Variants in BFAR observed in about 807,000 individuals in gnomAD.
BFAR encodes the protein RING finger protein 47.
BFAR carries 52 observed loss-of-function variants against 54.4 expected under a neutral mutation model. That is an observed-to-expected ratio of 0.96 (90% confidence interval 0.77 to 1.21). BFAR has a LOEUF of 1.21. Among genes scored for constraint, BFAR ranks in the 50% most tolerant of loss-of-function variants. The pLI is 0.00. For missense variants in BFAR, 571 were observed against 534.0 expected (o/e 1.07, Z -0.68); for synonymous variants, 215 against 204.3 (o/e 1.05, Z -0.45).
intron 7 of BFAR, among the ~76,000 whole-genome samples, chr16:14,665,703 T>C (rs941152734): frequency 6.6e-6 from 1 of 152,122 alleles, no homozygotes; most frequent in African/African-American, 2.4e-5. Flanking sequence ...GTGATGTACG[T>C]GCTCTTACAC....
intron 4 of BFAR, among the ~76,000 whole-genome samples, chr16:14,651,941 T>C (rs1224518876): frequency 6.9e-6 from 1 of 145,772 alleles, no homozygotes; most frequent in Non-Finnish European, 1.5e-5. Context: ...GGCTGGAGTG[T>C]AGTGGTGTGA....
rs1173696135 is a variant in BFAR, at chr16:14,644,368, T to C, written c.22T>C (p.Tyr8His). ...AGAGATGGAGGAACCTCAGAAAAGC[T>C]ATGTGAACACAATGGACCTTGAGAG... MEEPQKS[Y>H]VNTMDLERDE... Residue 8 changes from tyrosine to histidine, a missense_variant, in exon 2 of 8, where the codon TAT becomes CAT. Transcript: ENST00000261658. 1.2e-6 allele frequency: 2 copies of C among 1,614,030 alleles called. No homozygotes were observed. The highest frequency in any genetic ancestry group is 2.2e-5 in the East Asian group (1 of 44,872).
At chr16:14,641,094 C>T (rs974627196) in intron 1 of BFAR, among the ~76,000 whole-genome samples, 4 of 152,200 alleles carry the variant, frequency 2.6e-5, no homozygotes, top group South Asian at 4.1e-4. Context: ...TCTTCCCATT[C>T]GTTTTTGAAC....
intron 5 of BFAR, among the ~76,000 whole-genome samples, chr16:14,660,825 T>G (rs1015775413): frequency 2.6e-5 from 4 of 151,720 alleles, no homozygotes; most frequent in Non-Finnish European, 4.4e-5. Flanking sequence ...TGCTTGAACC[T>G]GGGAGGTAGA....
intron 5 of BFAR, among the ~76,000 whole-genome samples, chr16:14,660,158 T>TCC (rs1960250190): frequency 4.0e-5 from 6 of 151,408 alleles, no homozygotes; most frequent in Non-Finnish European, 7.4e-5. Context: ...TGCAGTGATC[T>TCC]CCACTGGACA....
At chr16:14,649,368 G>C (rs1023022376) in intron 3 of BFAR, among the ~76,000 whole-genome samples, 2 of 152,148 alleles carry the variant, frequency 1.3e-5, no homozygotes, top group Non-Finnish European at 2.9e-5. Context: ...GAGCCACCAC[G>C]CCTGGACCTC....
At chr16:14,655,444 C>G (rs1421651310) in intron 5 of BFAR, among the ~76,000 whole-genome samples, 1 of 151,224 alleles carries the variant, frequency 6.6e-6, no homozygotes, top group Admixed American at 6.6e-5. Context: ...ACCTCAGCCT[C>G]CAGAGTAGCT....
rs1380201546 is a variant in BFAR at position 14,668,004 on chromosome 16, G to A, written c.*177G>A. ...CCCCCTCAGCCTGTGGGTGGCACGA[G>A]CAAGGACTGACATCCGCACAGGGAG... On this transcript the variant is annotated 3_prime_UTR_variant, in exon 8 of 8. Coordinates refer to ENST00000261658, the MANE Select transcript of BFAR (RefSeq NM_016561.3). 9.2e-6 allele frequency: 6 copies of A among 649,184 alleles called. No individual in the cohort carries two copies. The highest frequency in any genetic ancestry group is 1.6e-5 in the Non-Finnish European group (6 of 384,466). The allele number at this position is 649,184 out of a possible 1,614,324, so 40.2% of individuals were successfully genotyped here.
chr16:14,667,607 G>A lies in BFAR; in HGVS notation c.1161-28G>A, dbSNP rs192498132. 83 of 1,600,478 alleles carry A rather than the reference G, an allele frequency of 5.2e-5. No individual in the cohort carries two copies. In the East Asian group the frequency reaches 6.3e-4, roughly 12 times the overall value. On this transcript the variant is annotated intron_variant, in intron 7 of 7. Transcript: ENST00000261658. Reference sequence around the variant, plus strand: ...GGGTGTGGTCATGAGAAGCGCCTCCGATTCAGCCTCTTCTCTTCTTGTTTC... The same window carrying A: ...GGGTGTGGTCATGAGAAGCGCCTCCAATTCAGCCTCTTCTCTTCTTGTTTC...
At chr16:14,634,355 A>T (rs1358408195) in intron 1 of BFAR, among the ~76,000 whole-genome samples, 1 of 152,126 alleles carries the variant, frequency 6.6e-6, no homozygotes, top group East Asian at 1.9e-4. Context: ...CATAAACTTG[A>T]TGGAGACATT....
At chr16:14,660,629 G>A (rs1011502129) in intron 5 of BFAR, among the ~76,000 whole-genome samples, 1 of 143,136 alleles carries the variant, frequency 7.0e-6, no homozygotes, top group African/African-American at 2.5e-5. Context: ...CGCCAGGCGT[G>A]GTGGCTCACA....
chr16:14,663,332 G>C (rs1333216934), intron 6 of BFAR, among the ~76,000 whole-genome samples: 1 of 151,194 alleles, frequency 6.6e-6, no homozygotes, highest in Non-Finnish European at 1.5e-5. Flanking sequence ...TGTTCATCAG[G>C]CTAATTTTTT....
chr16:14,664,406 A>C (rs116644520), intron 6 of BFAR, among the ~76,000 whole-genome samples: 8,182 of 151,244 alleles, frequency 0.054, 264 homozygotes, highest in African/African-American at 0.078. Flanking sequence ...AAAAAAAAAA[A>C]AAAACAATTA....
Position 14,644,373 on chromosome 16 carries a change from G to A in BFAR, c.27G>A (p.Val9=), listed in dbSNP as rs779360966. The change falls in exon 2 of 8, where the codon GTG becomes GTA. Residue 9 remains valine, a synonymous_variant. Transcript: ENST00000261658. ...TGGAGGAACCTCAGAAAAGCTATGT[G>A]AACACAATGGACCTTGAGAGAGATG... is the stretch of plus-strand genomic sequence containing the variant. MEEPQKSY[V]NTMDLERDEP... The A allele has an allele frequency of 1.9e-6, 3 of 1,613,828 alleles. No homozygotes were observed. The highest frequency in any genetic ancestry group is 2.5e-6 in the Non-Finnish European group (3 of 1,179,946).
At chr16:14,664,137 G>A (rs1960370171) in intron 6 of BFAR, among the ~76,000 whole-genome samples, 1 of 152,078 alleles carries the variant, frequency 6.6e-6, no homozygotes, top group Non-Finnish European at 1.5e-5. Context: ...CAGAAGCACT[G>A]TCTGTGTCTT....
chr16:14,646,744 C>T (rs547129511), intron 2 of BFAR, among the ~76,000 whole-genome samples: 55 of 152,024 alleles, frequency 3.6e-4, no homozygotes, highest in African/African-American at 1.2e-3. Flanking sequence ...GTGATCCGCC[C>T]GCCTCAGCCT....
intron 5 of BFAR, 39 bp from the exon 6 acceptor site, chr16:14,661,853 C>T (rs1960297056): frequency 1.2e-6 from 2 of 1,603,376 alleles, no homozygotes; most frequent in East Asian, 2.2e-5. Context: ...AGCTGGCCGC[C>T]ATGGTTGTAA....
At chr16:14,638,399 GATTGAAATCA>G (rs1959519528) in intron 1 of BFAR, among the ~76,000 whole-genome samples, 1 of 152,012 alleles carries the variant, frequency 6.6e-6, no homozygotes, top group Non-Finnish European at 1.5e-5. Flanking sequence ...AAGAAGAAAT[GATTGAAATCA>G]TATTTTTCAG....
Position 14,644,355 on chromosome 16 carries a change from A to G in BFAR, c.9A>G (p.Glu3=). 6.2e-7 allele frequency: 1 copy of G among 1,612,958 alleles called. No homozygotes were observed. The highest frequency in any genetic ancestry group is 1.3e-5 in the African/African-American group (1 of 74,978). ...CCAGAATTTGCTAAGAGATGGAGGAACCTCAGAAAAGCTATGTGAACACAA... is the reference window on the plus strand; with the variant it reads ...CCAGAATTTGCTAAGAGATGGAGGAGCCTCAGAAAAGCTATGTGAACACAA... The part of the protein sequence containing the change: ME[E]PQKSYVNTMD... The change falls in exon 2 of 8, where the codon GAA becomes GAG. Residue 3 remains glutamate, a synonymous_variant. Transcript: ENST00000261658.
Sources: gnomAD v4.1 joint callset for allele counts (sites outside exome capture counted in the v4.1 genomes callset) on GRCh38, gnomAD v4.1.1 for gene constraint, MANE v1.5 for transcripts, NCBI Gene and HGNC (gene_info 2026-07-23, HGNC 2026-07-21) for gene names.